Variants in TBC1D22A observed in about 807,000 individuals in gnomAD.
TBC1D22A encodes TBC1 domain family member 22A.
In TBC1D22A, 38 loss-of-function variants were observed where a neutral mutation model predicts 60.2. The observed-to-expected ratio is 0.63, with a 90% confidence interval of 0.49 to 0.83. The LOEUF is 0.83. Ranked by LOEUF, TBC1D22A falls within the 40% of genes least tolerant of loss-of-function variation. TBC1D22A has a pLI of 0.00. For missense variants in TBC1D22A, 628 were observed against 701.0 expected (o/e 0.90, Z 1.18); for synonymous variants, 302 against 281.7 (o/e 1.07, Z -0.72).
rs186122696 is a variant in TBC1D22A, at chr22:47,058,583, C to T, written c.1329+21385C>T. On this transcript the variant is annotated intron_variant, in intron 11 of 12. Transcript: ENST00000337137. ...CCTCTGCCCTCTCTTCTGCTTGCTC[C>T]AGGCCACTGTCCCCTGGTTCCGAGT... 6.5e-4 allele frequency among the ~76,000 whole-genome samples: 99 copies of T among 152,024 alleles called. 1 individual carries two copies. The highest frequency in any genetic ancestry group is 5.4e-4 in the Non-Finnish European group (37 of 67,974).
In TBC1D22A at chr22:47,151,536, G is replaced by T. The variant is rs112778826; in HGVS notation, c.1426-21962G>T. ...GTTTAAAGGTAGCCTTGGAAGCTTG[G>T]TCCATGGCTGGGAGAGGCTCTGGTA... is the stretch of plus-strand genomic sequence containing the variant. On this transcript the variant is annotated intron_variant, in intron 12 of 12. Coordinates refer to ENST00000337137, the MANE Select transcript of TBC1D22A (RefSeq NM_014346.5). Among the ~76,000 whole-genome samples the T allele has an allele frequency of 2.1e-3, 313 of 152,332 alleles. 1 individual carries two copies. The highest frequency in any genetic ancestry group is 7.2e-3 in the African/African-American group (298 of 41,576).
At chr22:47,101,884 T>C (rs1007643702) in intron 11 of TBC1D22A, among the ~76,000 whole-genome samples, 2 of 152,198 alleles carry the variant, frequency 1.3e-5, no homozygotes, top group Non-Finnish European at 2.9e-5. Flanking sequence ...CTGCCCTTGC[T>C]CCAGTGACGT....
At chr22:47,000,024 C>CA (rs1397241627) in intron 10 of TBC1D22A, among the ~76,000 whole-genome samples, 1 of 152,074 alleles carries the variant, frequency 6.6e-6, no homozygotes, top group Non-Finnish European at 1.5e-5. Context: ...GACTCCATCT[C>CA]AAAAACAAAA....
Position 46,980,402 on chromosome 22 carries a change from C to T in TBC1D22A, c.1125+6003C>T, listed in dbSNP as rs146048522. 7.2e-4 allele frequency among the ~76,000 whole-genome samples: 109 copies of T among 152,026 alleles called. 1 individual carries two copies. The highest frequency in any genetic ancestry group is 2.1e-3 in the African/African-American group (87 of 41,522). ...TTCACCATGTTGGCCAGGATGGTCT[C>T]GATCTCTTGACCTTGTGATCCCCCT... On this transcript the variant is annotated intron_variant, in intron 9 of 12. Coordinates refer to ENST00000337137, the MANE Select transcript of TBC1D22A (RefSeq NM_014346.5).
intron 1 of TBC1D22A, among the ~76,000 whole-genome samples, chr22:46,778,144 C>T (rs888921767): frequency 3.3e-5 from 5 of 151,800 alleles, no homozygotes; most frequent in Admixed American, 3.3e-4. Flanking sequence ...CTGGACGGTG[C>T]CCTTGGTGGG....
intron 10 of TBC1D22A, among the ~76,000 whole-genome samples, chr22:47,024,603 CA>C (rs1447019512): frequency 6.6e-6 from 1 of 152,064 alleles, no homozygotes; most frequent in Non-Finnish European, 1.5e-5. Flanking sequence ...CCCATAGTCC[CA>C]GCACTTTGGG....
intron 4 of TBC1D22A, among the ~76,000 whole-genome samples, chr22:46,835,551 A>G (rs1454404333): frequency 6.6e-6 from 1 of 152,218 alleles, no homozygotes; most frequent in Non-Finnish European, 1.5e-5. Context: ...TAGAAAATAA[A>G]AAAGCATGAG....
rs928037042 is a variant in TBC1D22A at position 46,844,560 on chromosome 22, A to G, written c.638-34093A>G. 2.0e-5 allele frequency among the ~76,000 whole-genome samples: 3 copies of G among 152,194 alleles called. No individual in the cohort carries two copies. The South Asian group carries it at 6.2e-4, about 31-fold the overall frequency. ...GAAGTGAGTTTGCAGGAGACTGGGT[A>G]TAAGGATGGGGAGAGCTTATGGGTG... On this transcript the variant is annotated intron_variant, in intron 4 of 12. Coordinates refer to ENST00000337137, the MANE Select transcript of TBC1D22A (RefSeq NM_014346.5).
chr22:47,014,481 C>T (rs2061847510), intron 10 of TBC1D22A, among the ~76,000 whole-genome samples: 1 of 152,194 alleles, frequency 6.6e-6, no homozygotes, highest in African/African-American at 2.4e-5. Context: ...CTCCCGCTCG[C>T]AGCCATGTCA....
At chr22:46,972,853 A>G (rs1364615371) in intron 8 of TBC1D22A, among the ~76,000 whole-genome samples, 2 of 152,040 alleles carry the variant, frequency 1.3e-5, no homozygotes, top group Non-Finnish European at 2.9e-5. Context: ...CACCCCCAGC[A>G]CCCCAGAGAG....
chr22:47,021,524 A>G (rs553163935), intron 10 of TBC1D22A, among the ~76,000 whole-genome samples: 1 of 149,930 alleles, frequency 6.7e-6, no homozygotes, highest in East Asian at 2.0e-4. Context: ...GGAACCTAGC[A>G]GAACCCCACC....
chr22:46,840,469 T>C (rs1416816585), intron 4 of TBC1D22A, among the ~76,000 whole-genome samples: 1 of 152,196 alleles, frequency 6.6e-6, no homozygotes, highest in Non-Finnish European at 1.5e-5. Context: ...GGGTGGTGGC[T>C]CACGCCTGTA....
chr22:47,098,479 C>T (rs550865620), intron 11 of TBC1D22A, among the ~76,000 whole-genome samples: 1 of 152,346 alleles, frequency 6.6e-6, no homozygotes, highest in East Asian at 1.9e-4. Context: ...GACACTCTTC[C>T]CTGTGTACTG....
intron 4 of TBC1D22A, among the ~76,000 whole-genome samples, chr22:46,871,589 A>G (rs763723923): frequency 6.6e-6 from 1 of 152,270 alleles, no homozygotes; most frequent in African/African-American, 2.4e-5. Flanking sequence ...ATTTACCTGC[A>G]TACTTCTAAA....
At chr22:46,803,404 G>A (rs1156770702) in intron 4 of TBC1D22A, among the ~76,000 whole-genome samples, 2 of 152,172 alleles carry the variant, frequency 1.3e-5, no homozygotes, top group Non-Finnish European at 2.9e-5. Context: ...GAAGGGCGGC[G>A]GTTTTCTCTC....
rs150136281 is a variant in TBC1D22A, at chr22:46,950,955, G to A, written c.1016-23335G>A. On this transcript the variant is annotated intron_variant, in intron 8 of 12. Coordinates refer to ENST00000337137, the MANE Select transcript of TBC1D22A (RefSeq NM_014346.5). The stretch of plus-strand genomic sequence containing the variant: ...CCTCTCACATTCCTTGTAAGTGTTC[G>A]GGATATGTGTTTGTCCTGAAATACG... 4.1e-4 allele frequency among the ~76,000 whole-genome samples: 63 copies of A among 152,248 alleles called. 2 individuals carry two copies. In the South Asian group the frequency reaches 0.011, roughly 28 times the overall value.
chr22:47,165,260 C>T (rs1361677084), intron 12 of TBC1D22A, among the ~76,000 whole-genome samples: 1 of 152,070 alleles, frequency 6.6e-6, no homozygotes, highest in African/African-American at 2.4e-5. Flanking sequence ...AGGGGGTGCG[C>T]GGACCCCTTC....
chr22:47,090,723 G>A (rs1292706005), intron 11 of TBC1D22A, among the ~76,000 whole-genome samples: 1 of 150,418 alleles, frequency 6.6e-6, no homozygotes, highest in African/African-American at 2.4e-5. Context: ...TCATCTTTGG[G>A]GGAGTGGCCT....
chr22:46,861,694 C>T (rs1051653881), intron 4 of TBC1D22A, among the ~76,000 whole-genome samples: 2 of 152,242 alleles, frequency 1.3e-5, no homozygotes, highest in South Asian at 2.1e-4. Context: ...TCACTCATGT[C>T]CCCCCGCTCA....
Sources: allele counts gnomAD v4.1 joint callset (sites outside exome capture counted in the v4.1 genomes callset), GRCh38; gene constraint gnomAD v4.1.1; transcripts MANE v1.5; gene names NCBI Gene and HGNC (gene_info 2026-07-23, HGNC 2026-07-21).